The following KCNN2 variants were observed in gnomAD, a reference collection of about 807,000 sequenced individuals.
KCNN2 encodes small conductance calcium-activated potassium channel protein 2.
KCNN2 carries 24 observed loss-of-function variants against 55.5 expected under a neutral mutation model. The ratio of observed to expected loss-of-function variants is 0.43; its 90% CI spans 0.31 to 0.61. The LOEUF is 0.61. Ranked by LOEUF, KCNN2 falls within the 20% of genes least tolerant of loss-of-function variation. KCNN2 has a pLI of 0.08. For missense variants in KCNN2, 754 were observed against 853.6 expected (o/e 0.88, Z 1.45); for synonymous variants, 431 against 336.1 (o/e 1.28, Z -3.09).
intron 1 of KCNN2, chr5:114,056,622 AC>A: frequency 7.7e-6 from 3 of 391,398 alleles, no homozygotes; most frequent in Non-Finnish European, 9.0e-6. Context: ...CCTCTTGCTT[AC>A]TTTTCTCCAG....
At chr5:114,285,138 G>T (rs1004672164) in intron 2 of KCNN2, among the ~76,000 whole-genome samples, 3 of 151,626 alleles carry the variant, frequency 2.0e-5, no homozygotes, top group African/African-American at 7.3e-5. Context: ...AAAAAAATTA[G>T]CCGGGTGTGG....
chr5:114,187,556 AGTGCAGTG>A (rs1753361360), intron 1 of KCNN2, among the ~76,000 whole-genome samples: 1 of 134,058 alleles, frequency 7.5e-6, no homozygotes, highest in Admixed American at 8.5e-5. Context: ...CCTAGGCTGG[AGTGCAGTG>A]GTGCAATCTC....
intron 1 of KCNN2, among the ~76,000 whole-genome samples, chr5:114,062,250 A>G (rs1750347929): frequency 6.6e-6 from 1 of 152,148 alleles, no homozygotes; most frequent in Non-Finnish European, 1.5e-5. Flanking sequence ...AGATACTATT[A>G]CAGTAAGTAT....
chr5:114,454,851 A>AAGTT (rs1245028021), intron 3 of KCNN2, among the ~76,000 whole-genome samples: 1 of 152,178 alleles, frequency 6.6e-6, no homozygotes, highest in Non-Finnish European at 1.5e-5. Flanking sequence ...TGGTTTCTCC[A>AAGTT]AGTTGTGACA....
chr5:114,431,681 T>G (rs1759798882), intron 3 of KCNN2, among the ~76,000 whole-genome samples: 1 of 152,148 alleles, frequency 6.6e-6, no homozygotes, highest in Non-Finnish European at 1.5e-5. Flanking sequence ...ATGACTGATT[T>G]TAAAACTTCC....
Position 114,207,346 on chromosome 5 carries a change from G to A in KCNN2, c.-270-14134G>A, listed in dbSNP as rs80191029. Among the ~76,000 whole-genome samples, 598 of 152,266 alleles carry A rather than the reference G, an allele frequency of 3.9e-3. 3 individuals are homozygous for A. The highest frequency in any genetic ancestry group is 0.013 in the African/African-American group (550 of 41,546). On this transcript the variant is annotated intron_variant, in intron 1 of 10. Coordinates refer to the KCNN2 transcript ENST00000512097. Reference sequence around the variant, plus strand: ...GGACAAAATCTTATCCTTCTGAGATGCAGTCTCCTCATTTGTGAAAGGAAG... The same window carrying A: ...GGACAAAATCTTATCCTTCTGAGATACAGTCTCCTCATTTGTGAAAGGAAG...
At chr5:114,421,038 G>A (rs1759457411) in intron 3 of KCNN2, among the ~76,000 whole-genome samples, 1 of 152,158 alleles carries the variant, frequency 6.6e-6, no homozygotes, top group African/African-American at 2.4e-5. Context: ...TTGATTTCTT[G>A]AATGCTGCAG....
chr5:114,185,581 T>C (rs1295371528), intron 1 of KCNN2, among the ~76,000 whole-genome samples: 1 of 152,204 alleles, frequency 6.6e-6, no homozygotes, highest in African/African-American at 2.4e-5. Context: ...TCCCTATCTT[T>C]TTCCTTCTCA....
intron 1 of KCNN2, among the ~76,000 whole-genome samples, chr5:114,168,213 G>A (rs1752960329): frequency 1.3e-5 from 2 of 149,636 alleles, no homozygotes; most frequent in African/African-American, 4.9e-5. Flanking sequence ...CATCTAGGTA[G>A]TATGATAAAT....
At chr5:114,283,721 A>G (rs1008258580) in intron 2 of KCNN2, among the ~76,000 whole-genome samples, 5 of 152,318 alleles carry the variant, frequency 3.3e-5, no homozygotes, top group Admixed American at 2.0e-4. Flanking sequence ...TCATTTGAAA[A>G]AGAAATTTTA....
At chr5:114,197,883 G>A (rs1422963046) in intron 1 of KCNN2, among the ~76,000 whole-genome samples, 1 of 152,134 alleles carries the variant, frequency 6.6e-6, no homozygotes, top group Non-Finnish European at 1.5e-5. Flanking sequence ...TTTTCTTACT[G>A]ATATTTAATA....
chr5:114,281,406 C>G (rs1209759159), intron 2 of KCNN2, among the ~76,000 whole-genome samples: 1 of 152,094 alleles, frequency 6.6e-6, no homozygotes, highest in Non-Finnish European at 1.5e-5. Context: ...ACTGAGAAAT[C>G]TGGCAATTAT....
exon 1 of KCNN2, chr5:114,056,398 G>C: frequency 2.5e-6 from 1 of 398,648 alleles, no homozygotes; most frequent in South Asian, 1.3e-4. Context: ...CAGTGGACTC[G>C]ATCTTCAGCT....
intron 3 of KCNN2, among the ~76,000 whole-genome samples, chr5:114,413,529 T>C (rs529441200): frequency 1.3e-5 from 2 of 152,148 alleles, no homozygotes; most frequent in Non-Finnish European, 2.9e-5. Context: ...CTCAGGTGAT[T>C]TGCCCACTAG....
chr5:114,244,505 G>A (rs1754712473), intron 2 of KCNN2, among the ~76,000 whole-genome samples: 1 of 151,916 alleles, frequency 6.6e-6, no homozygotes, highest in Non-Finnish European at 1.5e-5. Context: ...GCTGAGGCAG[G>A]AGAATTGCTT....
intron 3 of KCNN2, among the ~76,000 whole-genome samples, chr5:114,406,715 C>G (rs1758946869): frequency 6.6e-6 from 1 of 152,140 alleles, no homozygotes; most frequent in African/African-American, 2.4e-5. Context: ...AACATTCTGA[C>G]TTGCATCTCT....
intron 1 of KCNN2, among the ~76,000 whole-genome samples, chr5:114,097,946 T>G (rs891270603): frequency 6.6e-6 from 1 of 152,202 alleles, no homozygotes. Context: ...AACAACATGT[T>G]TATTTTCCTA....
intron 1 of KCNN2, among the ~76,000 whole-genome samples, chr5:114,097,461 C>T (rs963045651): frequency 6.6e-6 from 1 of 152,100 alleles, no homozygotes; most frequent in African/African-American, 2.4e-5. Flanking sequence ...TCATTCCTAC[C>T]TCATGGATTA....
chr5:114,246,710 C>G (rs956951990), intron 2 of KCNN2, among the ~76,000 whole-genome samples: 1 of 151,944 alleles, frequency 6.6e-6, no homozygotes, highest in African/African-American at 2.4e-5. Context: ...AAATGAATAA[C>G]ACAATATTCA....
Sources: allele counts gnomAD v4.1 joint callset (sites outside exome capture counted in the v4.1 genomes callset), GRCh38; gene constraint gnomAD v4.1.1; transcripts MANE v1.5; gene names NCBI Gene and HGNC (gene_info 2026-07-23, HGNC 2026-07-21).